Variants in PDE4D observed in about 807,000 individuals in gnomAD.
The protein encoded by PDE4D is 3',5'-cyclic-AMP phosphodiesterase 4D.
Under a neutral mutation model 87.4 loss-of-function variants are expected in PDE4D, and 24 were observed. The ratio of observed to expected loss-of-function variants is 0.27; its 90% CI spans 0.20 to 0.39. PDE4D has a LOEUF of 0.39. Ranked by LOEUF, PDE4D falls within the 10% of genes least tolerant of loss-of-function variation. The pLI is 1.00. For synonymous variants in PDE4D, 384 were observed against 383.2 expected, an observed-to-expected ratio of 1.00 and a Z score of -0.02; for missense variants, 714 against 1,041.0, an observed-to-expected ratio of 0.69 and a Z score of 4.32.
At chr5:59,177,083 C>T (rs1448852902) in intron 5 of PDE4D, among the ~76,000 whole-genome samples, 2 of 152,106 alleles carry the variant, frequency 1.3e-5, no homozygotes, top group East Asian at 3.9e-4. Flanking sequence ...TTGTGTGCCC[C>T]TAAAATTCAT....
chr5:60,340,959 G>A (rs967876132), intron 1 of PDE4D, among the ~76,000 whole-genome samples: 2 of 152,112 alleles, frequency 1.3e-5, no homozygotes, highest in African/African-American at 4.8e-5. Context: ...GTAAGTAAAT[G>A]TAAGAGTATT....
chr5:59,579,844 G>T lies in PDE4D; in HGVS notation c.455+313324C>A, dbSNP rs1823790692. ...CACCTTTCCTAATATATCGTCCAGA[G>T]AGGCACTTTTTAGTGAAAGGATCCT... On this transcript the variant is annotated intron_variant, in intron 1 of 14. Coordinates refer to ENST00000340635, the MANE Select transcript of PDE4D (RefSeq NM_001104631.2). 3.9e-5 allele frequency among the ~76,000 whole-genome samples: 6 copies of T among 152,302 alleles called. No individual in the cohort carries two copies. In the South Asian group the frequency reaches 1.2e-3, roughly 32 times the overall value.
At chr5:60,378,642 A>G (rs1025884058) in intron 1 of PDE4D, among the ~76,000 whole-genome samples, 1 of 152,084 alleles carries the variant, frequency 6.6e-6, no homozygotes, top group African/African-American at 2.4e-5. Context: ...TCACGATGTC[A>G]GGAGTTCAAG....
intron 5 of PDE4D, among the ~76,000 whole-genome samples, chr5:59,169,509 T>G (rs1782431601): frequency 6.6e-6 from 1 of 152,162 alleles, no homozygotes; most frequent in Non-Finnish European, 1.5e-5. Context: ...TTTTGAGAGA[T>G]AACAGATGAT....
At chr5:59,023,412 C>G (rs912755213) in intron 6 of PDE4D, among the ~76,000 whole-genome samples, 3 of 150,460 alleles carry the variant, frequency 2.0e-5, no homozygotes, top group Non-Finnish European at 3.0e-5. Flanking sequence ...AGGAGGATCA[C>G]TTGAGCCCAG....
chr5:60,141,823 T>A (rs1320618647), intron 2 of PDE4D, among the ~76,000 whole-genome samples: 1 of 152,192 alleles, frequency 6.6e-6, no homozygotes, highest in Non-Finnish European at 1.5e-5. Flanking sequence ...TTGGTTTGAA[T>A]CCTTAACTGA....
At chr5:59,913,586 T>G (rs1753678288) in intron 3 of PDE4D, among the ~76,000 whole-genome samples, 1 of 152,174 alleles carries the variant, frequency 6.6e-6, no homozygotes, top group South Asian at 2.1e-4. Flanking sequence ...GTAATTAATT[T>G]TTATGGGATT....
At chr5:59,429,478 A>T (rs1051762015) in intron 1 of PDE4D, among the ~76,000 whole-genome samples, 2 of 152,174 alleles carry the variant, frequency 1.3e-5, no homozygotes, top group Admixed American at 1.3e-4. Flanking sequence ...ATGCTTTGTG[A>T]GTTTGTGTAG....
At chr5:59,475,782 T>C (rs997321929) in intron 1 of PDE4D, among the ~76,000 whole-genome samples, 2 of 152,082 alleles carry the variant, frequency 1.3e-5, no homozygotes, top group Non-Finnish European at 2.9e-5. Context: ...TTGACTGCTG[T>C]ATGCCTCAAT....
At chr5:60,311,678 C>T (rs1355952879) in intron 1 of PDE4D, among the ~76,000 whole-genome samples, 1 of 152,158 alleles carries the variant, frequency 6.6e-6, no homozygotes, top group East Asian at 1.9e-4. Context: ...TAATAACCAG[C>T]TAACAACATG....
At chr5:59,383,042 G>T (rs1217756633) in intron 1 of PDE4D, among the ~76,000 whole-genome samples, 1 of 152,092 alleles carries the variant, frequency 6.6e-6, no homozygotes, top group Non-Finnish European at 1.5e-5. Flanking sequence ...ATTAATAATG[G>T]ATAGAAAAGT....
intron 5 of PDE4D, among the ~76,000 whole-genome samples, chr5:59,075,952 C>T (rs1184610454): frequency 2.6e-5 from 4 of 152,176 alleles, no homozygotes; most frequent in African/African-American, 9.6e-5. Flanking sequence ...TGTTGCTTGG[C>T]AGTCCTCAAA....
At chr5:59,345,377 G>A (rs963258788) in intron 1 of PDE4D, among the ~76,000 whole-genome samples, 3 of 152,122 alleles carry the variant, frequency 2.0e-5, no homozygotes, top group Non-Finnish European at 4.4e-5. Flanking sequence ...TTATTTATTG[G>A]TTTTTGCTAA....
chr5:60,118,271 T>C lies in PDE4D; in HGVS notation c.42+67286A>G, dbSNP rs1164583540. Among the ~76,000 whole-genome samples, 6 of 152,206 alleles carry C rather than the reference T, an allele frequency of 3.9e-5. 1 individual carries two copies. In the East Asian group the frequency reaches 9.7e-4, roughly 25 times the overall value. Reference sequence around the variant, plus strand: ...AACCCATTTCCCTAGGCGGCTTATCTGGTGACCTCTGGCTCCTTGAGACTG... The same window carrying C: ...AACCCATTTCCCTAGGCGGCTTATCCGGTGACCTCTGGCTCCTTGAGACTG... On this transcript the variant is annotated intron_variant, in intron 2 of 16. Coordinates refer to the PDE4D transcript ENST00000502484.
At chr5:59,720,907 A>G (rs1286815547) in intron 1 of PDE4D, among the ~76,000 whole-genome samples, 2 of 152,154 alleles carry the variant, frequency 1.3e-5, no homozygotes, top group African/African-American at 4.8e-5. Flanking sequence ...TATTTGCTTG[A>G]TAAGAATCAC....
chr5:59,839,999 G>A (rs1742726245), intron 1 of PDE4D, among the ~76,000 whole-genome samples: 1 of 152,022 alleles, frequency 6.6e-6, no homozygotes, highest in Non-Finnish European at 1.5e-5. Flanking sequence ...ACATGAGCTT[G>A]TGGTGGGGGG....
chr5:59,499,346 C>G (rs1807832864), intron 1 of PDE4D, among the ~76,000 whole-genome samples: 3 of 11,010 alleles, frequency 2.7e-4, no homozygotes, highest in Non-Finnish European at 6.6e-4. Context: ...AAAATCGCAC[C>G]TAAAAAAAAA....
At chr5:59,297,615 G>A (rs1267464055) in intron 1 of PDE4D, among the ~76,000 whole-genome samples, 1 of 152,078 alleles carries the variant, frequency 6.6e-6, no homozygotes, top group Admixed American at 6.6e-5. Flanking sequence ...TTCAGTGAGT[G>A]CAAAATTTGA....
chr5:59,036,840 T>C (rs1263736805), intron 6 of PDE4D, among the ~76,000 whole-genome samples: 1 of 152,082 alleles, frequency 6.6e-6, no homozygotes, highest in African/African-American at 2.4e-5. Flanking sequence ...TAGGAAAAAA[T>C]ATCCTAATTT....
Sources: gnomAD v4.1 joint callset for allele counts (sites outside exome capture counted in the v4.1 genomes callset) on GRCh38, gnomAD v4.1.1 for gene constraint, MANE v1.5 for transcripts, NCBI Gene and HGNC (gene_info 2026-07-23, HGNC 2026-07-21) for gene names.